Variants in ZP2 observed in about 807,000 individuals in gnomAD.
ZP2 encodes the protein zona pellucida sperm-binding protein 2.
A neutral mutation model predicts 84.0 loss-of-function variants in ZP2; 51 were observed. The observed-to-expected ratio is 0.61, with a 90% CI of 0.49 to 0.77. The LOEUF is 0.77. ZP2 is among the 30% of genes least tolerant of loss of function. The probability of loss-of-function intolerance (pLI) is 0.00; values close to 1 mark genes in which losing one functional copy is unlikely to be tolerated. For missense variants in ZP2, 909 were observed against 911.9 expected, an observed-to-expected ratio of 1.00 and a Z score of 0.04; for synonymous variants, 375 against 330.9, an observed-to-expected ratio of 1.13 and a Z score of -1.45.
rs1447277942 is a variant in ZP2 at position 21,209,695 on chromosome 16, G to C, written c.266C>G (p.Thr89Ser). Residue 89 changes from threonine to serine, a missense_variant, in exon 4 of 19, where the codon ACT (threonine) becomes AGT (serine). Transcript: ENST00000574091. The stretch of plus-strand genomic sequence containing the variant: ...GAGCTTTTCTGGGTCCAGGATGTAA[G>C]TGCAGTTCGGCATGTCGAGACCAAG... The part of the protein sequence containing the change: ...DPLGLDMPNC[T>S]YILDPEKLTL... 1 of 1,614,034 alleles carries C rather than the reference G, an allele frequency of 6.2e-7. No homozygotes were observed. The highest frequency in any genetic ancestry group is 8.5e-7 in the Non-Finnish European group (1 of 1,180,016).
chr16:21,211,173 A>C (rs541785757), intron 2 of ZP2, 134 bp downstream of exon 2: 1 of 763,554 alleles, frequency 1.3e-6, no homozygotes, highest in South Asian at 1.7e-5. Context: ...AGAAAGATCC[A>C]GTAACCTGAC....
At chr16:21,213,759 G>A (rs190419982), upstream of ZP2, among the ~76,000 whole-genome samples, 7 of 152,230 alleles carry the variant, frequency 4.6e-5, no homozygotes, top group East Asian at 1.4e-3. Context: ...AAGTTTTTGG[G>A]GATAGAGATG....
intron 7 of ZP2, among the ~76,000 whole-genome samples, chr16:21,204,966 AAG>A (rs2093242889): frequency 2.0e-5 from 3 of 152,314 alleles, no homozygotes; most frequent in African/African-American, 7.2e-5. Flanking sequence ...GACTATGGGA[AAG>A]AGACTAGATT....
chr16:21,202,104 C>A lies in ZP2; in HGVS notation c.1287G>T (p.Lys429Asn). The change falls in exon 11 of 19, where the codon AAG becomes AAT. Residue 429 changes from lysine to asparagine, a missense_variant and splice_region_variant. Physicochemically the swap from Lys to Asn is moderately conservative, Grantham distance 94. Transcript: ENST00000574091. ...CCTCGTGCCATCTGCCAGTACTAAC[C>A]TTATATCTCGTTCCACATCCATTCA... ...IPLNGCGTRY[K>N]FEDDKVVYEN... The A allele has an allele frequency of 6.2e-7, 1 of 1,613,372 alleles. No individual in the cohort carries two copies. Among genetic ancestry groups the A allele is most frequent in the Non-Finnish European group, 8.5e-7 (1 of 1,179,620 alleles).
At chr16:21,209,007 T>G (rs2093262363) in intron 4 of ZP2, among the ~76,000 whole-genome samples, 1 of 152,222 alleles carries the variant, frequency 6.6e-6, no homozygotes, top group African/African-American at 2.4e-5. Flanking sequence ...CACTGACATC[T>G]CAGTCCTGGT....
chr16:21,207,135 G>A (rs922397374), intron 4 of ZP2, 145 bp from the exon 5 acceptor site: 1 of 912,466 alleles, frequency 1.1e-6, no homozygotes, highest in South Asian at 1.7e-5. Flanking sequence ...CGTACCAGGA[G>A]ACTAGCTAGC....
chr16:21,197,668 G>GGAAGTATTTTAT, intron 18 of ZP2, 46 bp from the exon 19 acceptor site: 1 of 1,613,426 alleles, frequency 6.2e-7, no homozygotes, highest in Non-Finnish European at 8.5e-7. Flanking sequence ...TTTAAATAAG[G>GGAAGTATTTTAT]GTAAGTGGAA....
At chr16:21,203,309 A>G in intron 9 of ZP2, 58 bp from the exon 10 acceptor site, 2 of 1,601,748 alleles carry the variant, frequency 1.2e-6, no homozygotes, top group Non-Finnish European at 8.5e-7. Flanking sequence ...GAACCGTCAC[A>G]GGGAGGCAGG....
Position 21,199,670 on chromosome 16 carries a change from G to A in ZP2, c.1831-4C>T, listed in dbSNP as rs1195237009. 1.9e-6 allele frequency: 3 copies of A among 1,613,480 alleles called. No homozygotes were observed. In the African/African-American group the frequency reaches 4.0e-5, roughly 22 times the overall value. The stretch of plus-strand genomic sequence containing the variant: ...AGGCACTGCAGTGGAAGTAGACCTG[G>A]AGACAGAAGAGAGTTACATGGAATC... On this transcript the variant is annotated splice_polypyrimidine_tract_variant and splice_region_variant and intron_variant, in intron 15 of 18. Transcript: ENST00000574091.
At position 21,197,506 on chromosome 16, in the gene ZP2, C is replaced by A. The variant is rs762294906; in HGVS notation, c.2212G>T (p.Glu738Ter). 2 of 1,614,148 alleles carry A rather than the reference C, an allele frequency of 1.2e-6. No homozygotes were observed. The highest frequency in any genetic ancestry group is 1.7e-6 in the Non-Finnish European group (2 of 1,180,016). The part of the protein sequence containing the change: ...ATLGFIYYLY[E>*]KRTVSNH Reference sequence around the variant, plus strand: ...TAGTGATTTGACACAGTCCTTTTCTCGTACAGGTAGTAGATGAAGCCTAGA... The same window carrying A: ...TAGTGATTTGACACAGTCCTTTTCTAGTACAGGTAGTAGATGAAGCCTAGA... The change falls in exon 19 of 19, where the codon GAG becomes TAG. Residue 738 changes from glutamate to a stop codon, truncating the protein, a stop_gained. Coordinates refer to ENST00000574091, the MANE Select transcript of ZP2 (RefSeq NM_001376232.1). LOFTEE classifies it high-confidence loss of function.
chr16:21,208,791 C>T (rs1161230919), intron 4 of ZP2, among the ~76,000 whole-genome samples: 1 of 152,160 alleles, frequency 6.6e-6, no homozygotes, highest in Non-Finnish European at 1.5e-5. Context: ...TGTTTCATCA[C>T]TTGTTGTATC....
At chr16:21,204,470 C>A in intron 7 of ZP2, 66 bp from the exon 8 acceptor site, 2 of 1,346,678 alleles carry the variant, frequency 1.5e-6, no homozygotes, top group South Asian at 1.3e-5. Context: ...CAGTAAGAAT[C>A]ATCTTGGCAA....
At chr16:21,197,703 AGG>A in intron 18 of ZP2, 61 bp downstream of exon 18, 1 of 1,612,168 alleles carries the variant, frequency 6.2e-7, no homozygotes, top group Non-Finnish European at 8.5e-7. Context: ...TCCCCAGAGA[AGG>A]GGGTAAAACT....
At chr16:21,205,307 G>A in intron 7 of ZP2, 113 bp downstream of exon 7, 1 of 1,259,102 alleles carries the variant, frequency 7.9e-7, no homozygotes. Context: ...CACTTAATAG[G>A]CATTAAAATG....
intron 7 of ZP2, among the ~76,000 whole-genome samples, chr16:21,204,857 T>C (rs866987512): frequency 6.6e-6 from 1 of 152,132 alleles, no homozygotes; most frequent in South Asian, 2.1e-4. Context: ...CACCAATACT[T>C]GCTATAAAAC....
intron 1 of ZP2, 36 bp downstream of exon 1, chr16:21,211,450 A>G (rs2093274838): frequency 6.2e-6 from 10 of 1,612,422 alleles, no homozygotes; most frequent in Non-Finnish European, 8.5e-6. Flanking sequence ...AAACAAAGCT[A>G]CCATACCCCC....
intron 3 of ZP2, 84 bp from the exon 4 acceptor site, chr16:21,209,809 C>A: frequency 8.0e-7 from 1 of 1,242,274 alleles, no homozygotes; most frequent in Non-Finnish European, 1.2e-6. Flanking sequence ...ACCACCAGTC[C>A]ATTTCTAAGG....
Position 21,206,907 on chromosome 16 carries a change from A to G in ZP2, c.414T>C (p.Cys138=), listed in dbSNP as rs779345377. 31 of 1,614,100 alleles carry G rather than the reference A, an allele frequency of 1.9e-5. 1 individual carries two copies. Among genetic ancestry groups the G allele is most frequent in the Non-Finnish European group, 2.5e-5 (30 of 1,180,020 alleles). ...RHGAVMYQFF[C]PAMQVEETQG... is the part of the protein sequence containing the mutation. ...GGGTCTCTTCTACTTGCATAGCTGG[A>G]CAGAAGAACTGATACATGACAGCTC... Residue 138 remains cysteine, a synonymous_variant, in exon 5 of 19, where the codon TGT becomes TGC. Transcript: ENST00000574091.
chr16:21,199,883 G>A lies in ZP2; in HGVS notation c.1695-5C>T. 1 of 1,612,290 alleles carries A rather than the reference G, an allele frequency of 6.2e-7. No homozygotes were observed. Among genetic ancestry groups the A allele is most frequent in the Non-Finnish European group, 8.5e-7 (1 of 1,179,970 alleles). Reference sequence around the variant, plus strand: ...TTGTCCAGGTCATATGCACAGCTAGGAGGTATGCACCAGGGAGGGATGTCA... The same window carrying A: ...TTGTCCAGGTCATATGCACAGCTAGAAGGTATGCACCAGGGAGGGATGTCA... On this transcript the variant is annotated splice_polypyrimidine_tract_variant and splice_region_variant and intron_variant, in intron 14 of 18. Transcript: ENST00000574091.
Sources: gnomAD v4.1 joint callset for allele counts (sites outside exome capture counted in the v4.1 genomes callset) on GRCh38, gnomAD v4.1.1 for gene constraint, MANE v1.5 for transcripts, NCBI Gene and HGNC (gene_info 2026-07-23, HGNC 2026-07-21) for gene names.